The following HIVEP3 variants were observed in gnomAD, a reference collection of about 807,000 sequenced individuals.
HIVEP3 encodes HIVEP zinc finger 3.
A neutral mutation model predicts 152.8 loss-of-function variants in HIVEP3; 49 were observed. The ratio of observed to expected loss-of-function variants is 0.32; its 90% CI spans 0.26 to 0.41. The LOEUF is 0.41. HIVEP3 is among the 10% of genes least tolerant of loss of function. The probability of loss-of-function intolerance (pLI) is 1.00; values close to 1 mark genes in which losing one functional copy is unlikely to be tolerated. For synonymous variants in HIVEP3, 1,269 were observed against 1,289.0 expected (o/e 0.98, Z 0.33); for missense variants, 2,790 against 3,103.3 (o/e 0.90, Z 2.40).
chr1:41,853,867 T>C (rs1384293958), intron 1 of HIVEP3, among the ~76,000 whole-genome samples: 4 of 152,172 alleles, frequency 2.6e-5, no homozygotes, highest in Admixed American at 1.3e-4. Context: ...GCAGCGGCTC[T>C]AGGCTGCTGA....
At chr1:41,902,745 C>T (rs1467284172) in intron 1 of HIVEP3, among the ~76,000 whole-genome samples, 1 of 152,148 alleles carries the variant, frequency 6.6e-6, no homozygotes, top group African/African-American at 2.4e-5. Context: ...TATGGATTAC[C>T]CTGGAAGAGC....
intron 1 of HIVEP3, among the ~76,000 whole-genome samples, chr1:41,888,342 A>G (rs542619879): frequency 4.7e-4 from 70 of 150,486 alleles, no homozygotes; most frequent in Admixed American, 1.1e-3. Context: ...ATGAGCCACC[A>G]CGCCCGGCCT....
chr1:41,805,942 G>C lies in HIVEP3; in HGVS notation c.-800-104947C>G, dbSNP rs961393499. ...CTCCTCTGTAAAGCTCATGCACCCA[G>C]GTCCTGAGCCTGATTCCCCCCACTC... On this transcript the variant is annotated intron_variant, in intron 1 of 8. Coordinates refer to ENST00000372583, the MANE Select transcript of HIVEP3 (RefSeq NM_024503.5). Among the ~76,000 whole-genome samples the C allele has an allele frequency of 3.3e-5, 5 of 152,246 alleles. No homozygotes were observed. In the South Asian group the frequency reaches 8.3e-4, roughly 25 times the overall value.
In HIVEP3 at chr1:41,533,495, G is replaced by A. The variant is rs1400557288; in HGVS notation, c.5208-8585C>T. 6.6e-6 allele frequency among the ~76,000 whole-genome samples: 1 copy of A among 152,052 alleles called. No homozygotes were observed. Among genetic ancestry groups the A allele is most frequent in the African/African-American group, 2.4e-5 (1 of 41,380 alleles). ...TCCTGCACAGCCCGGATCTGGAGAG[G>A]GCTGTCCACACCTCCTCCCCACTCT... is the stretch of plus-strand genomic sequence containing the variant. On this transcript the variant is annotated intron_variant, in intron 5 of 8. Transcript: ENST00000372583. The surrounding 1 kb of genome is among the most constrained non-coding windows in gnomAD (Gnocchi z 4.3).
At chr1:41,647,543 C>T (rs768868697) in intron 2 of HIVEP3, among the ~76,000 whole-genome samples, 15 of 152,232 alleles carry the variant, frequency 9.9e-5, no homozygotes, top group Non-Finnish European at 1.8e-4. Context: ...TCCTTCTCCA[C>T]TCTCCCCATC....
At chr1:41,608,194 A>C (rs965690045) in intron 3 of HIVEP3, among the ~76,000 whole-genome samples, 2 of 152,198 alleles carry the variant, frequency 1.3e-5, no homozygotes, top group African/African-American at 4.8e-5. Context: ...AGTCATGGAA[A>C]GGTTCCCTGC....
chr1:41,886,854 T>A (rs898803484), intron 1 of HIVEP3, among the ~76,000 whole-genome samples: 6 of 152,110 alleles, frequency 3.9e-5, no homozygotes, highest in African/African-American at 1.2e-4. Context: ...TGATGCCTAT[T>A]CGAAAAAGAA....
At chr1:41,523,379 G>C (rs1409502577) in intron 6 of HIVEP3, among the ~76,000 whole-genome samples, 1 of 152,184 alleles carries the variant, frequency 6.6e-6, no homozygotes, top group Non-Finnish European at 1.5e-5. Context: ...AAGAGGATGG[G>C]GGAAAGGCAG....
intron 1 of HIVEP3, among the ~76,000 whole-genome samples, chr1:41,863,108 C>T (rs1400338632): frequency 6.6e-6 from 1 of 152,248 alleles, no homozygotes. Flanking sequence ...CCTCCACTGT[C>T]ACATACGTTC....
In HIVEP3 at chr1:41,664,665, CAG is replaced by C. The variant is rs768699368; in HGVS notation, c.-720-35720_-720-35719del. On this transcript the variant is annotated intron_variant, in intron 2 of 8. Transcript: ENST00000372583. This position sits in a 1 kb window ranked among gnomAD's most constrained non-coding sequence, Gnocchi z 4.4. ...GGGGCAAATCCTAAGACAAACTAAC[CAG>C]AGGACGGGGGAGAATTTACCCAACC... 1.2e-4 allele frequency among the ~76,000 whole-genome samples: 19 copies of C among 152,284 alleles called. No homozygotes were observed. The East Asian group carries it at 3.5e-3, about 28-fold the overall frequency.
intron 5 of HIVEP3, among the ~76,000 whole-genome samples, chr1:41,532,307 G>T (rs1643285323): frequency 6.7e-6 from 1 of 150,022 alleles, no homozygotes; most frequent in Admixed American, 6.6e-5. Flanking sequence ...CAGGAGAGAA[G>T]GGAGGACAGA....
At chr1:41,539,017 T>C (rs1272508913) in intron 5 of HIVEP3, among the ~76,000 whole-genome samples, 1 of 152,038 alleles carries the variant, frequency 6.6e-6, no homozygotes, top group African/African-American at 2.4e-5. Context: ...GTTTTCAGAG[T>C]GAGTATGTAT....
chr1:41,706,561 C>T (rs567726501), intron 1 of HIVEP3, among the ~76,000 whole-genome samples: 8 of 152,192 alleles, frequency 5.3e-5, no homozygotes, highest in Non-Finnish European at 8.8e-5. Context: ...GGATTACAGG[C>T]GTAAGCCACC....
At position 41,676,083 on chromosome 1, in the gene HIVEP3, G is replaced by A. The variant is rs190340254; in HGVS notation, c.-721+24833C>T. On this transcript the variant is annotated intron_variant, in intron 2 of 8. Coordinates refer to ENST00000372583, the MANE Select transcript of HIVEP3 (RefSeq NM_024503.5). ...TTCTTTTTTTTTTTGACGGAGTCTT[G>A]CTCTGTCCCTCAGGTTGGAGTGCAG... is the stretch of plus-strand genomic sequence containing the variant. Among the ~76,000 whole-genome samples, 424 of 151,236 alleles carry A rather than the reference G, an allele frequency of 2.8e-3. 4 individuals are homozygous for A. Among genetic ancestry groups the A allele is most frequent in the African/African-American group, 9.7e-3 (397 of 41,054 alleles).
chr1:41,706,633 G>A (rs917688451), intron 1 of HIVEP3, among the ~76,000 whole-genome samples: 3 of 152,182 alleles, frequency 2.0e-5, no homozygotes, highest in Non-Finnish European at 4.4e-5. Context: ...TGCTCTGGGC[G>A]TATTAGTGGC....
At chr1:41,922,803 A>AGGAG (rs1298991476), upstream of HIVEP3, among the ~76,000 whole-genome samples, 2 of 151,864 alleles carry the variant, frequency 1.3e-5, no homozygotes, top group African/African-American at 4.8e-5. Context: ...GGAAGAAGGA[A>AGGAG]GGAGGGAGGG....
chr1:41,537,640 T>C (rs1643431972), intron 5 of HIVEP3, among the ~76,000 whole-genome samples: 3 of 152,236 alleles, frequency 2.0e-5, no homozygotes, highest in African/African-American at 7.2e-5. Context: ...CTTAAAAATA[T>C]TCAGTGGCCA....
At chr1:41,886,183 G>C (rs528618491) in intron 1 of HIVEP3, among the ~76,000 whole-genome samples, 13 of 152,302 alleles carry the variant, frequency 8.5e-5, no homozygotes, top group African/African-American at 2.4e-4. Context: ...TGTTACAGTA[G>C]CTATAGGTGT....
intron 3 of HIVEP3, among the ~76,000 whole-genome samples, chr1:41,597,959 T>C (rs997527485): frequency 6.6e-5 from 10 of 152,228 alleles, no homozygotes; most frequent in African/African-American, 2.4e-4. Flanking sequence ...TAGCTAGCTA[T>C]CCACCTACCT....
Sources: allele counts gnomAD v4.1 joint callset (sites outside exome capture counted in the v4.1 genomes callset), GRCh38; gene constraint gnomAD v4.1.1; non-coding constraint Gnocchi (gnomAD v3.1); transcripts MANE v1.5; gene names NCBI Gene and HGNC (gene_info 2026-07-23, HGNC 2026-07-21).